Variants in NFIB observed in about 807,000 individuals in gnomAD.
The protein encoded by NFIB is nuclear factor 1 B-type.
In NFIB, 11 loss-of-function variants were observed where a neutral mutation model predicts 61.5. That is an observed-to-expected ratio of 0.18 (90% confidence interval 0.11 to 0.30). The LOEUF (loss-of-function observed/expected upper bound fraction) is 0.30. Ranked by LOEUF, NFIB falls within the 10% of genes least tolerant of loss-of-function variation. The pLI is 1.00. For missense variants in NFIB, 471 were observed against 608.9 expected, an observed-to-expected ratio of 0.77 and a Z score of 2.38; for synonymous variants, 260 against 216.5, an observed-to-expected ratio of 1.20 and a Z score of -1.76.
At chr9:14,143,799 C>G (rs1260776284) in intron 6 of NFIB, among the ~76,000 whole-genome samples, 1 of 152,092 alleles carries the variant, frequency 6.6e-6, no homozygotes, top group East Asian at 1.9e-4. Flanking sequence ...ACAAGAACAA[C>G]CATTGGGCAT....
At chr9:14,409,499 G>A in the NFIB span, among the ~76,000 whole-genome samples, 5 of 152,112 alleles carry the variant, frequency 3.3e-5, no homozygotes, top group African/African-American at 1.2e-4. Context: ...TTCACCCCTG[G>A]CCCAGGCAGC....
At chr9:14,229,569 AT>A (rs1211156260) in intron 2 of NFIB, among the ~76,000 whole-genome samples, 9 of 152,362 alleles carry the variant, frequency 5.9e-5, no homozygotes, top group African/African-American at 1.9e-4. Context: ...ACATAAAAAA[AT>A]CTTTACTAAT....
intron 3 of NFIB, among the ~76,000 whole-genome samples, chr9:14,162,704 T>A (rs1200752234): frequency 6.6e-6 from 1 of 152,126 alleles, no homozygotes; most frequent in Admixed American, 6.6e-5. Flanking sequence ...ATCATCTTCC[T>A]TGAATCTGTT....
At chr9:14,479,648 A>G in the NFIB span, among the ~76,000 whole-genome samples, 3 of 152,174 alleles carry the variant, frequency 2.0e-5, no homozygotes. Context: ...TTTTGTCCTT[A>G]GGTCAACTGT....
intron 2 of NFIB, chr9:14,180,626 T>A (rs1053646714): frequency 6.6e-6 from 1 of 152,272 alleles, no homozygotes; most frequent in Non-Finnish European, 1.5e-5. Flanking sequence ...TCCATTTATC[T>A]GTGTCATTTG....
the NFIB span, among the ~76,000 whole-genome samples, chr9:14,405,067 T>C: frequency 1.3e-5 from 2 of 152,202 alleles, no homozygotes; most frequent in African/African-American, 2.4e-5. Flanking sequence ...TTCTGGCTAA[T>C]AGTTTGTGGT....
At chr9:14,181,770 T>C (rs2046808773) in intron 2 of NFIB, among the ~76,000 whole-genome samples, 1 of 152,200 alleles carries the variant, frequency 6.6e-6, no homozygotes, top group Non-Finnish European at 1.5e-5. Flanking sequence ...TATGTTTTAC[T>C]TTCCCTCCAA....
intron 2 of NFIB, among the ~76,000 whole-genome samples, chr9:14,294,576 C>A (rs1386428429): frequency 6.6e-6 from 1 of 152,116 alleles, no homozygotes; most frequent in South Asian, 2.1e-4. Context: ...CTACTAAACA[C>A]CAGTGTGTTA....
chr9:14,159,936 C>T (rs931919874), intron 3 of NFIB, among the ~76,000 whole-genome samples: 1 of 152,180 alleles, frequency 6.6e-6, no homozygotes, highest in African/African-American at 2.4e-5. Flanking sequence ...AGCTAAAGAT[C>T]TTAAAGCAAT....
chr9:14,520,565 A>G, the NFIB span, among the ~76,000 whole-genome samples: 1 of 152,176 alleles, frequency 6.6e-6, no homozygotes, highest in Non-Finnish European at 1.5e-5. Context: ...ATGAGTATGA[A>G]ATTCCTTTAA....
At chr9:14,227,668 C>T (rs554391636) in intron 2 of NFIB, among the ~76,000 whole-genome samples, 39 of 152,058 alleles carry the variant, frequency 2.6e-4, no homozygotes, top group Non-Finnish European at 3.7e-4. Context: ...TTACATATGT[C>T]AATTGTAAGC....
intron 2 of NFIB, among the ~76,000 whole-genome samples, chr9:14,183,212 C>T (rs1256882032): frequency 6.6e-6 from 1 of 151,964 alleles, no homozygotes; most frequent in Non-Finnish European, 1.5e-5. Flanking sequence ...TGTGTAAATG[C>T]TTTCACCCCT....
At chr9:14,460,285 A>G in the NFIB span, among the ~76,000 whole-genome samples, 6,707 of 151,376 alleles carry the variant, frequency 0.044, 164 homozygotes, top group Non-Finnish European at 0.054. Context: ...ACCAAACACC[A>G]CATGTTCTCA....
chr9:14,173,757 A>T (rs12344875), intron 3 of NFIB, among the ~76,000 whole-genome samples: 10,108 of 152,248 alleles, frequency 0.066, 1,010 homozygotes, highest in African/African-American at 0.22. Flanking sequence ...CAATTAATAT[A>T]ATTTGTTATC....
intron 1 of NFIB, among the ~76,000 whole-genome samples, chr9:14,392,595 G>A (rs1419829248): frequency 6.6e-6 from 1 of 152,034 alleles, no homozygotes; most frequent in East Asian, 1.9e-4. Flanking sequence ...AGGTGTGGTG[G>A]TGCACACCTG....
chr9:14,352,458 G>A (rs10961483), intron 1 of NFIB, among the ~76,000 whole-genome samples: 14,106 of 152,086 alleles, frequency 0.093, 841 homozygotes, highest in African/African-American at 0.17. Flanking sequence ...AAGAAGAGTC[G>A]GGTCAGAATT....
chr9:14,456,714 T>C, the NFIB span, among the ~76,000 whole-genome samples: 8 of 152,302 alleles, frequency 5.3e-5, no homozygotes, highest in South Asian at 1.0e-3. Context: ...GCACATTATG[T>C]TGGCAAATGG....
intron 10 of NFIB, among the ~76,000 whole-genome samples, chr9:14,104,219 T>A (rs1040440904): frequency 6.6e-5 from 10 of 152,092 alleles, no homozygotes; most frequent in Non-Finnish European, 1.5e-5. Context: ...TGGTCATAAA[T>A]ACTCTTAAAA....
At chr9:14,337,077 T>A (rs2060894317) in intron 1 of NFIB, among the ~76,000 whole-genome samples, 1 of 152,236 alleles carries the variant, frequency 6.6e-6, no homozygotes, top group Non-Finnish European at 1.5e-5. Flanking sequence ...GTAAAAACCA[T>A]TCGTAGCTCT....
Sources: gnomAD v4.1 joint callset for allele counts (sites outside exome capture counted in the v4.1 genomes callset) on GRCh38, gnomAD v4.1.1 for gene constraint, MANE v1.5 for transcripts, NCBI Gene and HGNC (gene_info 2026-07-23, HGNC 2026-07-21) for gene names.